The following FAT1 variants were observed in gnomAD, a reference collection of about 807,000 sequenced individuals.
FAT1 encodes FAT atypical cadherin 1.
FAT1 carries 171 observed loss-of-function variants against 329.8 expected under a neutral mutation model. The observed-to-expected ratio is 0.52, with a 90% confidence interval of 0.46 to 0.59. The LOEUF is 0.59. FAT1 is among the 20% of genes least tolerant of loss of function. The pLI is 0.00. For synonymous variants in FAT1, 2,233 were observed against 2,228.6 expected (o/e 1.00, Z -0.06); for missense variants, 5,672 against 5,774.4 (o/e 0.98, Z 0.57).
rs561377129 is a variant in FAT1, at chr4:186,667,701, T to C, written c.3266-4088A>G. Among the ~76,000 whole-genome samples, 189 of 152,348 alleles carry C rather than the reference T, an allele frequency of 1.2e-3. 1 individual carries two copies. Among genetic ancestry groups the C allele is most frequent in the African/African-American group, 4.4e-3 (181 of 41,588 alleles). ...ACCAATCACGTCACTAGATGCTTTATGTGCATTAAATCATTGAAAGAACAT... is the reference window on the plus strand; with the variant it reads ...ACCAATCACGTCACTAGATGCTTTACGTGCATTAAATCATTGAAAGAACAT... On this transcript the variant is annotated intron_variant, in intron 2 of 26. Transcript: ENST00000441802.
chr4:186,661,686 T>C (rs1742178600), intron 3 of FAT1, among the ~76,000 whole-genome samples: 1 of 152,136 alleles, frequency 6.6e-6, no homozygotes, highest in South Asian at 2.1e-4. Flanking sequence ...AACAGGTAAA[T>C]GTTAAGTGTT....
Position 186,666,140 on chromosome 4 carries a change from C to T in FAT1, c.3266-2527G>A, listed in dbSNP as rs191161728. ...ACATGGCACATGTATACATATGTAA[C>T]AAACCTGCACATTGTGCACATGTAC... On this transcript the variant is annotated intron_variant, in intron 2 of 26. Transcript: ENST00000441802. 4.0e-3 allele frequency among the ~76,000 whole-genome samples: 608 copies of T among 150,468 alleles called. 5 individuals are homozygous for T. The highest frequency in any genetic ancestry group is 0.014 in the African/African-American group (582 of 40,854).
At chr4:186,666,369 G>T (rs1375493413) in intron 2 of FAT1, among the ~76,000 whole-genome samples, 2 of 152,106 alleles carry the variant, frequency 1.3e-5, no homozygotes, top group Non-Finnish European at 2.9e-5. Context: ...TCTGTCTGTA[G>T]GCTCAAATAA....
intron 3 of FAT1, among the ~76,000 whole-genome samples, chr4:186,653,828 GC>G (rs1741780088): frequency 6.6e-6 from 1 of 152,062 alleles, no homozygotes; most frequent in Non-Finnish European, 1.5e-5. Context: ...AGACTGTATG[GC>G]CCACAAACCC....
At position 186,707,158 on chromosome 4, in the gene FAT1, C is replaced by T. The variant is rs777994009; in HGVS notation, c.2670G>A (p.Glu890=). The T allele has an allele frequency of 7.4e-6, 12 of 1,613,870 alleles. No individual in the cohort carries two copies. In the South Asian group the frequency reaches 1.3e-4, roughly 18 times the overall value. ...CCCTGGCCTCAATCTTTAAGGAGTG[C>T]TCATGCTGCAGCTCTCGATCCAGAG... The part of the protein sequence containing the change: ...ARPLDRELQH[E]HSLKIEARDQ... Residue 890 remains glutamate (E), a synonymous_variant, in exon 2 of 27, where the codon GAG becomes GAA. Transcript: ENST00000441802.
chr4:186,673,014 A>G (rs1742802684), intron 2 of FAT1, among the ~76,000 whole-genome samples: 1 of 152,236 alleles, frequency 6.6e-6, no homozygotes, highest in African/African-American at 2.4e-5. Flanking sequence ...TTCAAAAAAG[A>G]AGACATGCAT....
intron 2 of FAT1, among the ~76,000 whole-genome samples, chr4:186,701,771 G>A (rs1358079894): frequency 6.6e-6 from 1 of 152,208 alleles, no homozygotes; most frequent in African/African-American, 2.4e-5. Flanking sequence ...TGAGGAAAAG[G>A]GTTTCTAACT....
rs1702541208 is a variant in FAT1 at position 186,638,071 on chromosome 4, C to T, written c.3643-1157G>A. 2.0e-5 allele frequency among the ~76,000 whole-genome samples: 3 copies of T among 150,838 alleles called. No homozygotes were observed. The South Asian group carries it at 6.3e-4, about 32-fold the overall frequency. On this transcript the variant is annotated intron_variant, in intron 4 of 26. Coordinates refer to ENST00000441802, the MANE Select transcript of FAT1 (RefSeq NM_005245.4). Reference sequence around the variant, plus strand: ...TTGTTCCTAACTTTGGGTTCAAGAACCAGTAGCTAGTCACAGCTTTCAACA... The same window carrying T: ...TTGTTCCTAACTTTGGGTTCAAGAATCAGTAGCTAGTCACAGCTTTCAACA...
chr4:186,623,041 C>G (rs1740123180), intron 9 of FAT1, among the ~76,000 whole-genome samples: 1 of 152,178 alleles, frequency 6.6e-6, no homozygotes, highest in Non-Finnish European at 1.5e-5. Context: ...ACAGTCTTCA[C>G]TTCCTTCCTT....
rs2126516068 is a variant in FAT1 at position 186,620,480 on chromosome 4, C to T, written c.6106G>A (p.Gly2036Ser). The T allele has an allele frequency of 6.2e-7, 1 of 1,614,012 alleles. No individual in the cohort carries two copies. The highest frequency in any genetic ancestry group is 1.1e-5 in the South Asian group (1 of 91,080). ...SRTSGVLSTTGTPFDREQQEA... is the reference protein window; with the variant it reads ...SRTSGVLSTTSTPFDREQQEA... Reference sequence around the variant, plus strand: ...TGCTGCTCACGATCGAAGGGCGTGCCAGTGGTTGACAGAACTCCTGAAGTG... The same window carrying T: ...TGCTGCTCACGATCGAAGGGCGTGCTAGTGGTTGACAGAACTCCTGAAGTG... Residue 2036 changes from glycine to serine, a missense_variant, in exon 10 of 27, where the codon GGC (glycine) becomes AGC (serine). Transcript: ENST00000441802.
At position 186,618,699 on chromosome 4, in the gene FAT1, G is replaced by C. The variant is rs370775790; in HGVS notation, c.7887C>G (p.Ala2629=). 6.2e-7 allele frequency: 1 copy of C among 1,613,956 alleles called. No individual in the cohort carries two copies. The change falls in exon 10 of 27, where the codon GCC becomes GCG. Residue 2629 remains alanine (A), a synonymous_variant. Transcript: ENST00000441802. ...LASDADEGSN[A]DITYAIEADS... ...CTGCTTCAATGGCATAGGTGATGTCGGCATTGGAGCCCTCATCGGCATCAC... is the reference window on the plus strand; with the variant it reads ...CTGCTTCAATGGCATAGGTGATGTCCGCATTGGAGCCCTCATCGGCATCAC...
At chr4:186,722,999 C>CA (rs546435029) in intron 1 of FAT1, among the ~76,000 whole-genome samples, 4 of 152,034 alleles carry the variant, frequency 2.6e-5, no homozygotes, top group South Asian at 4.1e-4. Flanking sequence ...TCAGCGGGAA[C>CA]AAAAAAATCT....
At chr4:186,616,539 T>C (rs1395781360) in intron 11 of FAT1, among the ~76,000 whole-genome samples, 1 of 152,130 alleles carries the variant, frequency 6.6e-6, no homozygotes, top group Non-Finnish European at 1.5e-5. Flanking sequence ...GGAGCAGCCC[T>C]TCCTACGTCT....
chr4:186,604,461 A>G lies in FAT1; in HGVS notation c.10464T>C (p.Ala3488=), dbSNP rs2126438901. The change falls in exon 18 of 27, where the codon GCT becomes GCC. Residue 3488 remains alanine (A), a synonymous_variant. Transcript: ENST00000441802. The part of the protein sequence containing the change: ...FTIVTGNDEK[A]FEVNPQGVLL... ...GGACTCCTTGCGGGTTAACTTCAAAAGCCTTCTCATCATTTCCAGTTACAA... is the reference window on the plus strand; with the variant it reads ...GGACTCCTTGCGGGTTAACTTCAAAGGCCTTCTCATCATTTCCAGTTACAA... 2 of 1,613,940 alleles carry G rather than the reference A, an allele frequency of 1.2e-6. No individual in the cohort carries two copies. The highest frequency in any genetic ancestry group is 1.7e-6 in the Non-Finnish European group (2 of 1,179,854).
At position 186,619,810 on chromosome 4, in the gene FAT1, G is replaced by C. The variant is rs1189536048; in HGVS notation, c.6776C>G (p.Ser2259Cys). 1 of 1,614,022 alleles carries C rather than the reference G, an allele frequency of 6.2e-7. No homozygotes were observed. The highest frequency in any genetic ancestry group is 8.5e-7 in the Non-Finnish European group (1 of 1,179,904). Reference protein sequence around the residue: ...AYKLSIRATDSLTGAHAEVFV... With the variant: ...AYKLSIRATDCLTGAHAEVFV... The stretch of plus-strand genomic sequence containing the variant: ...TACTTCAGCATGAGCGCCCGTCAAG[G>C]AGTCAGTTGCGCGTATGCTCAGCTT... The change falls in exon 10 of 27, where the codon TCC becomes TGC. Residue 2259 changes from serine to cysteine, a missense_variant. Physicochemically the swap from Ser to Cys is moderately radical, Grantham distance 112. Transcript: ENST00000441802.
rs772026093 is a variant in FAT1 at position 186,619,679 on chromosome 4, C to G, written c.6907G>C (p.Val2303Leu). The G allele has an allele frequency of 3.1e-6, 5 of 1,613,998 alleles. No homozygotes were observed. In the East Asian group the frequency reaches 1.1e-4, roughly 36 times the overall value. Reference sequence around the variant, plus strand: ...TCAGAATCGGTGGCTCTAACTTGAACAACAGACGTTCCAATTACAGATGCC... The same window carrying G: ...TCAGAATCGGTGGCTCTAACTTGAAGAACAGACGTTCCAATTACAGATGCC... ...SEASVIGTSV[V>L]QVRATDSDSE... is the part of the protein sequence containing the mutation. Residue 2303 changes from valine (V) to leucine (L), a missense_variant, in exon 10 of 27, where the codon GTT becomes CTT. By Grantham distance (32) the Val-to-Leu change is conservative (BLOSUM62 1). Around this residue, in one of 2 missense-constraint regions of FAT1, gnomAD observed 3,966 missense variants for 3,915.2 expected, o/e 1.01. Transcript: ENST00000441802.
rs774934415 is a variant in FAT1 at position 186,620,935 on chromosome 4, T to C, written c.5651A>G (p.Tyr1884Cys). 3 of 1,614,034 alleles carry C rather than the reference T, an allele frequency of 1.9e-6. No homozygotes were observed. The highest frequency in any genetic ancestry group is 2.5e-6 in the Non-Finnish European group (3 of 1,179,906). ...DCPPVFAKPL[Y>C]EASLLLPTYK... ...TGTTGGTAACAAAAGAGATGCTTCA[T>C]ATAATGGCTTGGCAAACACAGGGGG... Residue 1884 changes from tyrosine to cysteine, a missense_variant, in exon 10 of 27, where the codon TAT (tyrosine) becomes TGT (cysteine). By Grantham distance (194) the Tyr-to-Cys change is radical. Coordinates refer to ENST00000441802, the MANE Select transcript of FAT1 (RefSeq NM_005245.4).
chr4:186,639,747 TCTC>T lies in FAT1; in HGVS notation c.3614_3616del (p.Arg1205_Glu1206delinsGln). On this transcript the variant is annotated inframe_deletion, in exon 4 of 27. Transcript: ENST00000441802. ...CTCTAATATGTGTTCATCTTGCTGTTCTCGGTCTAGCTTCCTTGACGTAGTTGT... is the reference window on the plus strand; with the variant it reads ...CTCTAATATGTGTTCATCTTGCTGTTGGTCTAGCTTCCTTGACGTAGTTGT... 1 of 1,613,152 alleles carries T rather than the reference TCTC, an allele frequency of 6.2e-7. No individual in the cohort carries two copies. Among genetic ancestry groups the T allele is most frequent in the South Asian group, 1.1e-5 (1 of 90,972 alleles).
chr4:186,589,416 G>T (rs564798325), intron 26 of FAT1, among the ~76,000 whole-genome samples, 196 bp from the exon 27 acceptor site: 2 of 152,126 alleles, frequency 1.3e-5, no homozygotes, highest in Non-Finnish European at 2.9e-5. Flanking sequence ...CTATGAACTA[G>T]GCTCTAGTTC....
Sources: gnomAD v4.1 joint callset for allele counts (sites outside exome capture counted in the v4.1 genomes callset) on GRCh38, gnomAD v4.1.1 for gene constraint, gnomAD v4.1.1 regional missense constraint, MANE v1.5 for transcripts, NCBI Gene and HGNC (gene_info 2026-07-23, HGNC 2026-07-21) for gene names.